The following FTO variants were observed in gnomAD, a reference collection of about 807,000 sequenced individuals.
The protein encoded by FTO is FTO alpha-ketoglutarate dependent dioxygenase, also known as alpha-ketoglutarate-dependent dioxygenase FTO.
A neutral mutation model predicts 63.9 loss-of-function variants in FTO; 47 were observed. The ratio of observed to expected loss-of-function variants is 0.74; its 90% CI spans 0.58 to 0.94. The LOEUF (loss-of-function observed/expected upper bound fraction) is 0.94. FTO is among the 40% of genes least tolerant of loss of function. FTO has a pLI of 0.00. For synonymous variants in FTO, 207 were observed against 224.4 expected (o/e 0.92, Z 0.69); for missense variants, 562 against 618.1 (o/e 0.91, Z 0.96).
At chr16:53,846,687 A>G (rs1261217282) in intron 4 of FTO, among the ~76,000 whole-genome samples, 2 of 151,836 alleles carry the variant, frequency 1.3e-5, no homozygotes, top group African/African-American at 2.4e-5. Flanking sequence ...CTGTAATCCC[A>G]GCTACTGGGG....
At chr16:53,707,106 G>T (rs2075642236) in intron 1 of FTO, among the ~76,000 whole-genome samples, 1 of 152,180 alleles carries the variant, frequency 6.6e-6, no homozygotes, top group Admixed American at 6.5e-5. Flanking sequence ...CACAAACTTG[G>T]TGGCTTAAAA....
intron 8 of FTO, among the ~76,000 whole-genome samples, chr16:54,011,922 G>A (rs1249801763): frequency 6.6e-6 from 1 of 151,994 alleles, no homozygotes; most frequent in Non-Finnish European, 1.5e-5. Flanking sequence ...CTCTCCTCAG[G>A]CTTCCCTATT....
intron 5 of FTO, among the ~76,000 whole-genome samples, chr16:53,876,365 CGAG>C (rs1442337597): frequency 3.9e-5 from 6 of 152,140 alleles, no homozygotes; most frequent in South Asian, 2.1e-4. Flanking sequence ...TAGCACTTAG[CGAG>C]GAGTAGGTAA....
intron 8 of FTO, among the ~76,000 whole-genome samples, chr16:54,075,604 A>G (rs1263168250): frequency 6.6e-6 from 1 of 152,234 alleles, no homozygotes; most frequent in African/African-American, 2.4e-5. Context: ...AAATGGTTGC[A>G]CTAATTGGAG....
intron 4 of FTO, among the ~76,000 whole-genome samples, chr16:53,864,809 G>A (rs780412440): frequency 1.1e-4 from 17 of 152,094 alleles, no homozygotes; most frequent in Non-Finnish European, 2.1e-4. Flanking sequence ...AGCTTGTGTC[G>A]CTTTTATAGA....
At chr16:53,783,801 A>G (rs1404287133) in intron 1 of FTO, among the ~76,000 whole-genome samples, 1 of 151,770 alleles carries the variant, frequency 6.6e-6, no homozygotes, top group Non-Finnish European at 1.5e-5. Context: ...AAAAAAAAAA[A>G]TTAATTTGAA....
At chr16:53,802,352 G>A (rs2078250241) in intron 1 of FTO, among the ~76,000 whole-genome samples, 1 of 151,748 alleles carries the variant, frequency 6.6e-6, no homozygotes, top group African/African-American at 2.4e-5. Flanking sequence ...GCACATGTTT[G>A]GTATAGCTGC....
intron 8 of FTO, among the ~76,000 whole-genome samples, chr16:53,984,686 C>G (rs1016459810): frequency 3.3e-5 from 5 of 152,038 alleles, no homozygotes; most frequent in Non-Finnish European, 5.9e-5. Flanking sequence ...TTCCCAGAGC[C>G]CCTAAAGCAT....
rs562227369 is a variant in FTO, at chr16:53,771,524, C to A, written c.46-38616C>A. Among the ~76,000 whole-genome samples the A allele has an allele frequency of 3.0e-4, 45 of 152,216 alleles. No homozygotes were observed. In the South Asian group the frequency reaches 5.8e-3, roughly 20 times the overall value. On this transcript the variant is annotated intron_variant, in intron 1 of 8. Transcript: ENST00000471389. ...CAATCAAAGTTTAGTCTTCAAAACA[C>A]AACAAAACAAATCTCTTTTCTGTTC...
chr16:53,857,002 A>G (rs958967788), intron 4 of FTO, among the ~76,000 whole-genome samples: 11 of 152,158 alleles, frequency 7.2e-5, no homozygotes, highest in African/African-American at 2.4e-4. Flanking sequence ...CTTAATGGCA[A>G]GGGAACCAAC....
Position 54,112,213 on chromosome 16 carries a change from C to T in FTO, c.*298C>T, listed in dbSNP as rs539881796. 2.6e-4 allele frequency: 107 copies of T among 410,060 alleles called. No homozygotes were observed. Among genetic ancestry groups the T allele is most frequent in the East Asian group, 4.4e-4 (8 of 18,032 alleles). 25.4% of individuals were successfully genotyped at this position (410,060 alleles called of 1,614,324 possible). On this transcript the variant is annotated 3_prime_UTR_variant, in exon 9 of 9. Transcript: ENST00000471389. ...GGGCAGGCGACAGGAACGAGCCCAG[C>T]GTGTGACAAAGCCTAACCTACTTTC...
At chr16:53,733,458 G>T (rs1567938927) in intron 1 of FTO, among the ~76,000 whole-genome samples, 1 of 152,112 alleles carries the variant, frequency 6.6e-6, no homozygotes, top group Non-Finnish European at 1.5e-5. Flanking sequence ...AGGGCGACCT[G>T]TACAGTTGAT....
At chr16:54,105,678 C>T (rs1221319429) in intron 8 of FTO, among the ~76,000 whole-genome samples, 1 of 152,062 alleles carries the variant, frequency 6.6e-6, no homozygotes, top group East Asian at 1.9e-4. Context: ...AGTTGTTCTC[C>T]TCTTTCCCAC....
At chr16:53,996,351 A>G (rs1162638812) in intron 8 of FTO, among the ~76,000 whole-genome samples, 1 of 152,226 alleles carries the variant, frequency 6.6e-6, no homozygotes, top group Non-Finnish European at 1.5e-5. Flanking sequence ...AAGTCCTGAC[A>G]ACATCATATT....
In FTO at chr16:53,825,961, A is replaced by G. The variant is rs2078994532; in HGVS notation, c.221A>G (p.Lys74Arg). The G allele has an allele frequency of 1.9e-6, 3 of 1,614,212 alleles. No homozygotes were observed. The highest frequency in any genetic ancestry group is 1.6e-4 in the Middle Eastern group (1 of 6,062). ...EVQEAFLTLHKHGCLFRDLVR... is the reference protein window; with the variant it reads ...EVQEAFLTLHRHGCLFRDLVR... ...CAAGAAGCCTTTCTCACACTGCACA[A>G]GCATGGCTGCTTATTTCGGGACCTG... Residue 74 changes from lysine to arginine, a missense_variant, in exon 3 of 9, where the codon AAG becomes AGG. Lys to Arg is a conservative substitution (Grantham distance 26). Coordinates refer to ENST00000471389, the MANE Select transcript of FTO (RefSeq NM_001080432.3).
At position 53,748,918 on chromosome 16, in the gene FTO, C is replaced by T. The variant is rs532297750; in HGVS notation, c.45+44689C>T. Reference sequence around the variant, plus strand: ...AGCTGGGACTACAGGTACATGCCACCGTGCCCGGCCAACTTTTTTGTATTT... The same window carrying T: ...AGCTGGGACTACAGGTACATGCCACTGTGCCCGGCCAACTTTTTTGTATTT... On this transcript the variant is annotated intron_variant, in intron 1 of 8. Transcript: ENST00000471389. Among the ~76,000 whole-genome samples, 207 of 152,054 alleles carry T rather than the reference C, an allele frequency of 1.4e-3. 1 individual carries two copies. The highest frequency in any genetic ancestry group is 4.8e-3 in the African/African-American group (200 of 41,468).
chr16:53,956,227 G>A (rs746068722), intron 8 of FTO, among the ~76,000 whole-genome samples: 9 of 152,006 alleles, frequency 5.9e-5, no homozygotes, highest in African/African-American at 1.7e-4. Context: ...AAAATATGAC[G>A]GGCTTTGAGC....
rs1026420759 is a variant in FTO at position 53,895,143 on chromosome 16, A to G, written c.1239+6192A>G. Among the ~76,000 whole-genome samples, 5 of 152,082 alleles carry G rather than the reference A, an allele frequency of 3.3e-5. No homozygotes were observed. The East Asian group carries it at 9.6e-4, about 29-fold the overall frequency. On this transcript the variant is annotated intron_variant, in intron 7 of 8. Coordinates refer to ENST00000471389, the MANE Select transcript of FTO (RefSeq NM_001080432.3). ...CAATTCCCCACAGCTATATTGTTCT[A>G]TTAAAAGTAAAACATCTGGGGAGAA...
At chr16:54,091,522 C>CAG (rs1392010321) in intron 8 of FTO, among the ~76,000 whole-genome samples, 4 of 152,132 alleles carry the variant, frequency 2.6e-5, no homozygotes. Context: ...AGCCTGGTGA[C>CAG]AGAGAGAGAC....
Sources: allele counts gnomAD v4.1 joint callset (sites outside exome capture counted in the v4.1 genomes callset), GRCh38; gene constraint gnomAD v4.1.1; transcripts MANE v1.5; gene names NCBI Gene and HGNC (gene_info 2026-07-23, HGNC 2026-07-21).